Variants in ZNF618 observed in about 807,000 individuals in gnomAD.
ZNF618 encodes the protein zinc finger protein 618.
Under a neutral mutation model 103.0 loss-of-function variants are expected in ZNF618, and 34 were observed. The ratio of observed to expected loss-of-function variants is 0.33; its 90% CI spans 0.25 to 0.44. ZNF618 has a LOEUF of 0.44. Among genes scored for constraint, ZNF618 ranks in the 20% least tolerant of loss-of-function variants. The pLI, the probability that ZNF618 is intolerant of heterozygous loss-of-function variation, is 1.00. For missense variants in ZNF618, 1,059 were observed against 1,295.4 expected (o/e 0.82, Z 2.80); for synonymous variants, 551 against 542.2 (o/e 1.02, Z -0.23).
At chr9:113,998,135 A>T in intron 3 of ZNF618, 124 bp from the exon 4 acceptor site, 1 of 854,758 alleles carries the variant, frequency 1.2e-6, no homozygotes, top group Non-Finnish European at 1.8e-6. Context: ...CAAGGTTTTT[A>T]ACGAAGAGGT....
chr9:114,006,063 G>A (rs1841725539), intron 6 of ZNF618, among the ~76,000 whole-genome samples: 3 of 152,236 alleles, frequency 2.0e-5, no homozygotes, highest in Non-Finnish European at 4.4e-5. Context: ...AATACGAAGA[G>A]GTGAAGCTGG....
chr9:114,016,181 A>G (rs764500596), intron 9 of ZNF618: 3 of 1,613,296 alleles, frequency 1.9e-6, no homozygotes, highest in South Asian at 2.2e-5. Flanking sequence ...AGGTAAAGAT[A>G]AAGTCGGGTG....
At chr9:113,976,805 T>C (rs149368963) in intron 2 of ZNF618, among the ~76,000 whole-genome samples, 58 of 152,310 alleles carry the variant, frequency 3.8e-4, no homozygotes, top group African/African-American at 1.3e-3. Flanking sequence ...ACATTTTGTC[T>C]GGTGTATTTA....
At position 113,988,427 on chromosome 9, in the gene ZNF618, G is replaced by A. The variant is rs1292101798; in HGVS notation, c.184G>A (p.Val62Met). ...AEQGTMTEVK[V>M]KTELPDDYIQ... ...GCAAGGAACGATGACGGAGGTGAAGGTGAAGACAGAGCTGCCCGATGACTA... is the reference window on the plus strand; with the variant it reads ...GCAAGGAACGATGACGGAGGTGAAGATGAAGACAGAGCTGCCCGATGACTA... The change falls in exon 3 of 15, where the codon GTG becomes ATG. Residue 62 changes from valine (V) to methionine (M), a missense_variant. By Grantham distance (21) the Val-to-Met change is conservative. Transcript: ENST00000374126. The A allele has an allele frequency of 1.2e-6, 2 of 1,613,702 alleles. No individual in the cohort carries two copies. Among genetic ancestry groups the A allele is most frequent in the East Asian group, 2.2e-5 (1 of 44,888 alleles).
chr9:113,983,854 G>T (rs141597577), intron 2 of ZNF618, among the ~76,000 whole-genome samples: 1 of 152,264 alleles, frequency 6.6e-6, no homozygotes, highest in East Asian at 1.9e-4. Context: ...GTTGCAAATG[G>T]GTGACCATCC....
intron 1 of ZNF618, among the ~76,000 whole-genome samples, chr9:113,910,037 C>T (rs1238292217): frequency 6.6e-6 from 1 of 152,132 alleles, no homozygotes; most frequent in Non-Finnish European, 1.5e-5. Flanking sequence ...CCCGCCTTGG[C>T]CTCCTGAAGT....
intron 13 of ZNF618, 49 bp downstream of exon 13, chr9:114,036,426 A>G (rs1246064770): frequency 6.5e-7 from 1 of 1,539,418 alleles, no homozygotes; most frequent in South Asian, 1.2e-5. Flanking sequence ...AGTTCCTGCA[A>G]ATTGAAGAGA....
At chr9:113,953,169 A>G (rs1835931552) in intron 1 of ZNF618, among the ~76,000 whole-genome samples, 1 of 152,208 alleles carries the variant, frequency 6.6e-6, no homozygotes, top group African/African-American at 2.4e-5. Flanking sequence ...ACGTACTTCG[A>G]GGTCACCCTG....
At chr9:114,012,275 A>G (rs1259532546) in intron 9 of ZNF618, among the ~76,000 whole-genome samples, 1 of 152,226 alleles carries the variant, frequency 6.6e-6, no homozygotes, top group Non-Finnish European at 1.5e-5. Context: ...GCCTGAGATC[A>G]GGGTGCCAGC....
chr9:114,005,132 G>A (rs981997415), intron 6 of ZNF618, among the ~76,000 whole-genome samples: 7 of 152,164 alleles, frequency 4.6e-5, no homozygotes, highest in African/African-American at 1.7e-4. Flanking sequence ...TGAGGAAACC[G>A]AGGTGCAGAG....
At chr9:114,028,602 T>C (rs1588396500) in intron 10 of ZNF618, 131 bp from the exon 11 acceptor site, 2 of 1,292,836 alleles carry the variant, frequency 1.5e-6, no homozygotes, top group East Asian at 5.1e-5. Flanking sequence ...TGAGAATCCT[T>C]GTTCTCTGTG....
chr9:113,966,035 TTATACA>T (rs1013661547), intron 1 of ZNF618, among the ~76,000 whole-genome samples: 1 of 152,190 alleles, frequency 6.6e-6, no homozygotes, highest in Non-Finnish European at 1.5e-5. Context: ...CTCGTTCATC[TTATACA>T]TATCATTCTG....
At chr9:113,971,218 G>A (rs1346957637) in intron 2 of ZNF618, among the ~76,000 whole-genome samples, 3 of 152,096 alleles carry the variant, frequency 2.0e-5, no homozygotes, top group Admixed American at 2.0e-4. Context: ...AGGAAATCAG[G>A]ACTGAAAGGG....
intron 1 of ZNF618, among the ~76,000 whole-genome samples, chr9:113,930,271 G>T (rs1265385107): frequency 1.3e-5 from 2 of 152,164 alleles, no homozygotes; most frequent in Non-Finnish European, 2.9e-5. Flanking sequence ...TCATTTAGGG[G>T]CAGGAAAAGC....
chr9:114,006,521 C>G (rs1841771682), intron 6 of ZNF618, among the ~76,000 whole-genome samples: 1 of 152,188 alleles, frequency 6.6e-6, no homozygotes, highest in African/African-American at 2.4e-5. Context: ...CAGCCTCAGC[C>G]TCAGATGTTG....
chr9:113,951,458 T>TATACAC (rs1554732920), intron 1 of ZNF618, among the ~76,000 whole-genome samples: 11 of 54,692 alleles, frequency 2.0e-4, no homozygotes, highest in Non-Finnish European at 2.4e-4. Context: ...TGTGTATATA[T>TATACAC]ACATATATGT....
chr9:114,050,433 T>TGCACACAC lies in ZNF618; in HGVS notation c.*275_*282dup, dbSNP rs1401305213. 2.0e-5 allele frequency: 7 copies of TGCACACAC among 351,658 alleles called. No individual in the cohort carries two copies. In the Admixed American group the frequency reaches 2.9e-4, roughly 15 times the overall value. 21.8% of individuals were successfully genotyped at this position (351,658 alleles called of 1,614,324 possible). On this transcript the variant is annotated 3_prime_UTR_variant, in exon 15 of 15. Coordinates refer to ENST00000374126, the MANE Select transcript of ZNF618 (RefSeq NM_001318042.2). ...CTCATCTCCATGGCCAGAGAAACTT[T>TGCACACAC]GCACACACGCACACACACACACACA...
chr9:114,033,670 C>T (rs1263417720), intron 12 of ZNF618, among the ~76,000 whole-genome samples: 1 of 152,112 alleles, frequency 6.6e-6, no homozygotes, highest in Non-Finnish European at 1.5e-5. Context: ...TCACCAGCAG[C>T]CTCTGTCCGA....
chr9:114,015,398 G>T (rs1042228862), intron 9 of ZNF618, among the ~76,000 whole-genome samples: 1 of 152,134 alleles, frequency 6.6e-6, no homozygotes. Context: ...AATTTCCTTA[G>T]AAATCAAAGA....
Sources: allele counts gnomAD v4.1 joint callset (sites outside exome capture counted in the v4.1 genomes callset), GRCh38; gene constraint gnomAD v4.1.1; transcripts MANE v1.5; gene names NCBI Gene and HGNC (gene_info 2026-07-23, HGNC 2026-07-21).